The following DCUN1D4 variants were observed in gnomAD, a reference collection of about 807,000 sequenced individuals.
DCUN1D4 encodes the protein DCN1-like protein 4.
A neutral mutation model predicts 47.9 loss-of-function variants in DCUN1D4; 22 were observed. The observed-to-expected ratio is 0.46, with a 90% CI of 0.33 to 0.66. DCUN1D4 has a LOEUF of 0.66. DCUN1D4 is among the 30% of genes least tolerant of loss of function. DCUN1D4 has a pLI of 0.02. For synonymous variants in DCUN1D4, 121 were observed against 112.2 expected (o/e 1.08, Z -0.50); for missense variants, 301 against 340.8 (o/e 0.88, Z 0.92).
chr4:51,860,699 AC>A (rs1408000454), intron 1 of DCUN1D4: 1 of 451,988 alleles, frequency 2.2e-6, no homozygotes, highest in Admixed American at 2.4e-5. Context: ...AAATGACTGA[AC>A]CCCATAAGAA....
chr4:51,843,335 C>T, intron 1 of DCUN1D4, 68 bp downstream of exon 1: 1 of 1,467,766 alleles, frequency 6.8e-7, no homozygotes, highest in South Asian at 1.3e-5. Flanking sequence ...TCGGCTCCCG[C>T]AGTCCCCGCC....
Position 51,874,255 on chromosome 4 carries a change from T to G in DCUN1D4, c.137-16T>G, listed in dbSNP as rs1490973895. 6.3e-7 allele frequency: 1 copy of G among 1,592,056 alleles called. No individual in the cohort carries two copies. Among genetic ancestry groups the G allele is most frequent in the Non-Finnish European group, 8.6e-7 (1 of 1,164,656 alleles). On this transcript the variant is annotated splice_polypyrimidine_tract_variant and intron_variant, in intron 3 of 10. Coordinates refer to ENST00000334635, the MANE Select transcript of DCUN1D4 (RefSeq NM_001040402.3). ...TAGCATACCTTAATTTTGTGCTCTT[T>G]GAATTTGTTTTGTAGGAAGTCTGCG...
At chr4:51,912,078 G>A (rs1478834030) in intron 9 of DCUN1D4, among the ~76,000 whole-genome samples, 1 of 152,124 alleles carries the variant, frequency 6.6e-6, no homozygotes, top group Non-Finnish European at 1.5e-5. Context: ...ACATTACTAA[G>A]TGGGACTCCT....
At chr4:51,869,318 G>A (rs6820424) in intron 3 of DCUN1D4, among the ~76,000 whole-genome samples, 57,685 of 151,928 alleles carry the variant, frequency 0.38, 13,406 homozygotes, top group African/African-American at 0.66. Flanking sequence ...TATCTTAAGC[G>A]GCAAGCTATT....
At chr4:51,878,745 C>G (rs993475483) in intron 5 of DCUN1D4, among the ~76,000 whole-genome samples, 1 of 152,232 alleles carries the variant, frequency 6.6e-6, no homozygotes, top group South Asian at 2.1e-4. Context: ...CTGACATGCT[C>G]TTACATCTTT....
chr4:51,860,624 G>A (rs1393265744), intron 1 of DCUN1D4: 2 of 455,350 alleles, frequency 4.4e-6, no homozygotes, highest in Admixed American at 4.7e-5. Flanking sequence ...TGGAGAGCAG[G>A]CACACCACAT....
intron 4 of DCUN1D4, among the ~76,000 whole-genome samples, chr4:51,875,616 T>C (rs906296025): frequency 6.6e-6 from 1 of 152,128 alleles, no homozygotes; most frequent in Admixed American, 6.6e-5. Flanking sequence ...TATAGAACAT[T>C]TCTATTATCC....
intron 9 of DCUN1D4, 135 bp downstream of exon 9, chr4:51,911,309 G>T (rs1733683699): frequency 1.3e-6 from 1 of 753,620 alleles, no homozygotes; most frequent in African/African-American, 1.8e-5. Flanking sequence ...CATAATTGCT[G>T]TCAGTCAGCA....
chr4:51,865,705 G>A lies in DCUN1D4; in HGVS notation c.136+1996G>A, dbSNP rs113731494. Among the ~76,000 whole-genome samples the A allele has an allele frequency of 1.5e-3, 227 of 152,196 alleles. 3 individuals are homozygous for A. Among genetic ancestry groups the A allele is most frequent in the African/African-American group, 5.2e-3 (215 of 41,526 alleles). ...TTTTTCATTTAATGGTGCATTTTGG[G>A]GGCTGTTGAGATTTAAGACTGTCCC... On this transcript the variant is annotated intron_variant, in intron 3 of 10. Coordinates refer to ENST00000334635, the MANE Select transcript of DCUN1D4 (RefSeq NM_001040402.3).
At chr4:51,908,571 A>G (rs1220510878) in intron 8 of DCUN1D4, among the ~76,000 whole-genome samples, 1 of 150,168 alleles carries the variant, frequency 6.7e-6, no homozygotes, top group Admixed American at 6.6e-5. Context: ...GGATGTCTTT[A>G]CTCCTTGAAT....
At chr4:51,875,278 A>G (rs2109982984) in intron 4 of DCUN1D4, 1 of 152,372 alleles carries the variant, frequency 6.6e-6, no homozygotes, top group Non-Finnish European at 1.5e-5. Context: ...TCTTTAGGCC[A>G]GTGATTTTTC....
At chr4:51,845,019 G>T (rs6824707) in intron 1 of DCUN1D4, 1 of 985,268 alleles carries the variant, frequency 1.0e-6, no homozygotes, top group Non-Finnish European at 1.2e-6. Flanking sequence ...CCCTCTTCAC[G>T]CTTAGGTTCT....
chr4:51,880,783 A>C (rs141772790), intron 5 of DCUN1D4, among the ~76,000 whole-genome samples: 1 of 152,202 alleles, frequency 6.6e-6, no homozygotes, highest in South Asian at 2.1e-4. Flanking sequence ...GTTCAGGGGA[A>C]GTGTTTATTT....
At chr4:51,912,520 T>C (rs1256454000) in intron 9 of DCUN1D4, among the ~76,000 whole-genome samples, 3 of 152,238 alleles carry the variant, frequency 2.0e-5, no homozygotes, top group Non-Finnish European at 4.4e-5. Context: ...TTTATGTACT[T>C]GTATTGTTTT....
intron 3 of DCUN1D4, among the ~76,000 whole-genome samples, chr4:51,873,430 T>TA (rs1727206265): frequency 6.6e-6 from 1 of 152,216 alleles, no homozygotes; most frequent in Admixed American, 6.5e-5. Flanking sequence ...GTTTATAACT[T>TA]AAGACGGCCT....
chr4:51,886,799 A>T, intron 6 of DCUN1D4, 161 bp downstream of exon 6: 1 of 610,768 alleles, frequency 1.6e-6, no homozygotes, highest in South Asian at 2.1e-5. Context: ...TTATAAGCAG[A>T]TTCTCCATTC....
intron 7 of DCUN1D4, among the ~76,000 whole-genome samples, chr4:51,894,625 A>G (rs1730954294): frequency 6.6e-6 from 1 of 152,200 alleles, no homozygotes; most frequent in Non-Finnish European, 1.5e-5. Context: ...TGCACCTAGT[A>G]CACAAGAAAA....
At chr4:51,909,900 C>T (rs533493654) in intron 8 of DCUN1D4, among the ~76,000 whole-genome samples, 2 of 152,168 alleles carry the variant, frequency 1.3e-5, no homozygotes, top group Non-Finnish European at 2.9e-5. Flanking sequence ...GAGGCCCTTA[C>T]ATTTGCTGTA....
intron 6 of DCUN1D4, among the ~76,000 whole-genome samples, chr4:51,887,575 T>G (rs1194655926): frequency 6.6e-6 from 1 of 152,240 alleles, no homozygotes; most frequent in Non-Finnish European, 1.5e-5. Flanking sequence ...ATGCCCTGCC[T>G]CATTAACTAT....
Sources: allele counts gnomAD v4.1 joint callset (sites outside exome capture counted in the v4.1 genomes callset), GRCh38; gene constraint gnomAD v4.1.1; transcripts MANE v1.5; gene names NCBI Gene and HGNC (gene_info 2026-07-23, HGNC 2026-07-21).